Variants in ILDR1 observed in about 807,000 individuals in gnomAD.
The protein encoded by ILDR1 is immunoglobulin like domain containing receptor 1.
In ILDR1, 56 loss-of-function variants were observed where a neutral mutation model predicts 62.4. That is an observed-to-expected ratio of 0.90 (90% confidence interval 0.72 to 1.12). The LOEUF is 1.12. ILDR1 is among the 50% of genes most tolerant of loss of function. The pLI is 0.00. For synonymous variants in ILDR1, 284 were observed against 277.8 expected, an observed-to-expected ratio of 1.02 and a Z score of -0.22; for missense variants, 736 against 710.6, an observed-to-expected ratio of 1.04 and a Z score of -0.41.
chr3:122,053,154 T>C, the ILDR1 span, among the ~76,000 whole-genome samples: 1 of 152,226 alleles, frequency 6.6e-6, no homozygotes, highest in African/African-American at 2.4e-5. Flanking sequence ...GGGTTTCTCA[T>C]TCTGCCATCT....
chr3:121,993,808 C>T lies in ILDR1; in HGVS notation c.941G>A (p.Cys314Tyr). Residue 314 changes from cysteine to tyrosine, a missense_variant, in exon 7 of 8, where the codon TGC becomes TAC. Transcript: ENST00000344209. ...AGAGCCCAGGGAGGACAGCATGCTG[C>T]AGGGATGGCCAAATCTGCCTTTGAG... ...PDLKGRFGHP[C>Y]SMLSSLGSEV... The T allele has an allele frequency of 1.9e-6, 3 of 1,614,134 alleles. No homozygotes were observed. In the African/African-American group the frequency reaches 4.0e-5, roughly 22 times the overall value.
chr3:122,048,215 A>G, the ILDR1 span, among the ~76,000 whole-genome samples: 8 of 152,322 alleles, frequency 5.3e-5, no homozygotes, highest in Admixed American at 5.2e-4. Flanking sequence ...TGAGATGACC[A>G]TATGATTTTA....
the ILDR1 span, among the ~76,000 whole-genome samples, chr3:122,032,584 T>C: frequency 1.9e-3 from 285 of 152,332 alleles, 6 homozygotes; most frequent in East Asian, 0.051. Context: ...GGAGACTAAA[T>C]CCATGACCCT....
intron 1 of ILDR1, chr3:122,007,448 A>G (rs935650829): frequency 2.0e-6 from 1 of 497,090 alleles, no homozygotes; most frequent in African/African-American, 1.9e-5. Flanking sequence ...TAAGGATTGT[A>G]TCAAAATAAA....
intron 1 of ILDR1, among the ~76,000 whole-genome samples, chr3:122,012,872 C>CA (rs966137984): frequency 6.6e-6 from 1 of 152,166 alleles, no homozygotes; most frequent in African/African-American, 2.4e-5. Flanking sequence ...GTTGGTGCCT[C>CA]AAAAGCTTCA....
At chr3:122,003,038 G>A (rs2071551800) in intron 3 of ILDR1, among the ~76,000 whole-genome samples, 1 of 152,116 alleles carries the variant, frequency 6.6e-6, no homozygotes, top group Admixed American at 6.5e-5. Context: ...ATTATGTCAG[G>A]CACCGAGGAG....
chr3:122,034,473 G>C, the ILDR1 span, among the ~76,000 whole-genome samples: 51 of 152,142 alleles, frequency 3.4e-4, no homozygotes, highest in Non-Finnish European at 6.2e-4. Flanking sequence ...CTCATATACA[G>C]AAAAACAAGA....
chr3:122,059,430 G>A, the ILDR1 span, among the ~76,000 whole-genome samples: 1 of 152,054 alleles, frequency 6.6e-6, no homozygotes, highest in Non-Finnish European at 1.5e-5. Context: ...CAGCTACTTG[G>A]GAGACTGAGG....
At chr3:122,032,555 C>T in the ILDR1 span, among the ~76,000 whole-genome samples, 1 of 152,116 alleles carries the variant, frequency 6.6e-6, no homozygotes, top group African/African-American at 2.4e-5. Context: ...ATTCTTCAAC[C>T]CTCCTCCCTT....
At chr3:122,051,599 C>A in the ILDR1 span, among the ~76,000 whole-genome samples, 1 of 152,018 alleles carries the variant, frequency 6.6e-6, no homozygotes, top group East Asian at 1.9e-4. Flanking sequence ...AATTCATATA[C>A]CTCTGTTTCT....
the ILDR1 span, among the ~76,000 whole-genome samples, chr3:122,049,210 C>T: frequency 6.6e-6 from 1 of 151,868 alleles, no homozygotes; most frequent in Non-Finnish European, 1.5e-5. Flanking sequence ...ATATTGATTT[C>T]TGGTTTCATT....
intron 5 of ILDR1, among the ~76,000 whole-genome samples, chr3:121,996,894 T>A (rs1467581397): frequency 6.6e-6 from 1 of 152,110 alleles, no homozygotes; most frequent in Non-Finnish European, 1.5e-5. Context: ...TTTGTTTTTT[T>A]TGTTGTTGTT....
chr3:122,027,029 TA>T (rs974718008), upstream of ILDR1, among the ~76,000 whole-genome samples: 1 of 152,200 alleles, frequency 6.6e-6, no homozygotes. Context: ...GATATGACTT[TA>T]AAATACACAA....
chr3:122,006,491 G>A (rs1316118857), intron 2 of ILDR1, among the ~76,000 whole-genome samples: 1 of 152,118 alleles, frequency 6.6e-6, no homozygotes, highest in Non-Finnish European at 1.5e-5. Flanking sequence ...GGGCTGCCTG[G>A]GGGGGCACTG....
intron 1 of ILDR1, among the ~76,000 whole-genome samples, chr3:122,014,171 C>T (rs777435093): frequency 1.4e-4 from 21 of 152,190 alleles, no homozygotes; most frequent in Non-Finnish European, 3.1e-4. Flanking sequence ...TCATTTTGTA[C>T]AGAAGCTCTT....
the ILDR1 span, among the ~76,000 whole-genome samples, chr3:122,032,801 G>C: frequency 6.6e-6 from 1 of 152,196 alleles, no homozygotes; most frequent in African/African-American, 2.4e-5. Flanking sequence ...CCCATCTGAG[G>C]AACCAAGAAT....
At chr3:122,056,007 GT>G in the ILDR1 span, among the ~76,000 whole-genome samples, 1 of 152,178 alleles carries the variant, frequency 6.6e-6, no homozygotes, top group African/African-American at 2.4e-5. Flanking sequence ...GGGTTGGGTA[GT>G]GGAAGGAGGT....
At chr3:122,009,367 G>T (rs113202306) in intron 1 of ILDR1, among the ~76,000 whole-genome samples, 2 of 57,948 alleles carry the variant, frequency 3.5e-5, no homozygotes, top group Non-Finnish European at 8.2e-5. Flanking sequence ...ACACACACAG[G>T]CTTTAGATTC....
chr3:121,993,848 G>A lies in ILDR1; in HGVS notation c.901C>T (p.Pro301Ser), dbSNP rs1481121358. 26 of 1,614,068 alleles carry A rather than the reference G, an allele frequency of 1.6e-5. No individual in the cohort carries two copies. Among genetic ancestry groups the A allele is most frequent in the Non-Finnish European group, 2.2e-5 (26 of 1,180,046 alleles). ...KELRNLNLAQ[P>S]LPPDLKGRFG... ...CTGCCTTTGAGGTCAGGGGGCAGAG[G>A]CTGGGCCAGGTTGAGGTTCCGCAGT... The change falls in exon 7 of 8, where the codon CCT becomes TCT. Residue 301 changes from proline to serine, a missense_variant. Transcript: ENST00000344209.
Sources: gnomAD v4.1 joint callset for allele counts (sites outside exome capture counted in the v4.1 genomes callset) on GRCh38, gnomAD v4.1.1 for gene constraint, MANE v1.5 for transcripts, NCBI Gene and HGNC (gene_info 2026-07-23, HGNC 2026-07-21) for gene names.